Variants in GAB2 observed in about 807,000 individuals in gnomAD.
GAB2 encodes GRB2-associated-binding protein 2.
GAB2 carries 26 observed loss-of-function variants against 65.5 expected under a neutral mutation model. The observed-to-expected ratio is 0.40, with a 90% CI of 0.29 to 0.55. GAB2 has a LOEUF of 0.55. Ranked by LOEUF, GAB2 falls within the 20% of genes least tolerant of loss-of-function variation. GAB2 has a pLI of 0.53. For synonymous variants in GAB2, 321 were observed against 329.6 expected (o/e 0.97, Z 0.28); for missense variants, 884 against 875.8 (o/e 1.01, Z -0.12).
chr11:78,373,165 G>A (rs1856593684), intron 1 of GAB2, among the ~76,000 whole-genome samples: 1 of 151,718 alleles, frequency 6.6e-6, no homozygotes, highest in South Asian at 2.1e-4. Flanking sequence ...CATGTTTATG[G>A]AGCAAACAAC....
At chr11:78,268,061 C>T (rs1280223631) in intron 2 of GAB2, among the ~76,000 whole-genome samples, 1 of 152,038 alleles carries the variant, frequency 6.6e-6, no homozygotes, top group Non-Finnish European at 1.5e-5. Context: ...GTGTGCCAGC[C>T]TTCCCAAGCA....
intron 1 of GAB2, among the ~76,000 whole-genome samples, chr11:78,341,022 G>C (rs1240857921): frequency 6.6e-6 from 1 of 152,126 alleles, no homozygotes; most frequent in Non-Finnish European, 1.5e-5. Context: ...ATTCAAAGAT[G>C]CTCTTTCTTG....
chr11:78,250,877 C>A (rs978463183), intron 2 of GAB2, among the ~76,000 whole-genome samples: 1 of 152,130 alleles, frequency 6.6e-6, no homozygotes, highest in Non-Finnish European at 1.5e-5. Flanking sequence ...CTAATGTTCT[C>A]ACTTATAAGT....
intron 3 of GAB2, 108 bp downstream of exon 3, chr11:78,250,049 A>G (rs536213291): frequency 8.7e-7 from 1 of 1,155,392 alleles, no homozygotes; most frequent in Non-Finnish European, 1.3e-6. Context: ...GTGTTTGTCT[A>G]CCTGAAACGA....
intron 1 of GAB2, among the ~76,000 whole-genome samples, chr11:78,400,845 A>G (rs1462702950): frequency 7.0e-6 from 1 of 142,414 alleles, no homozygotes; most frequent in East Asian, 2.1e-4. Flanking sequence ...CGGAGACTGC[A>G]GCAAGCCAAG....
At chr11:78,228,924 ACT>A (rs540550663) in intron 3 of GAB2, among the ~76,000 whole-genome samples, 105 of 150,972 alleles carry the variant, frequency 7.0e-4, no homozygotes, top group Middle Eastern at 3.4e-3. Flanking sequence ...GGAATTTCCA[ACT>A]CTCTGTTGGA....
intron 1 of GAB2, among the ~76,000 whole-genome samples, chr11:78,338,575 T>C (rs1325892041): frequency 6.6e-6 from 1 of 152,252 alleles, no homozygotes; most frequent in Admixed American, 6.5e-5. Flanking sequence ...ATGCTTACCA[T>C]GTGCGTGGCC....
Position 78,331,803 on chromosome 11 carries a change from C to A in GAB2, c.76-50902G>T, listed in dbSNP as rs1467305652. On this transcript the variant is annotated intron_variant, in intron 1 of 9. Coordinates refer to ENST00000361507, the MANE Select transcript of GAB2 (RefSeq NM_080491.3). ...CCAAGGGGATTGGAAAACAGAGACA[C>A]AGATGGAAAACCAGTGGCTGCCACC... Among the ~76,000 whole-genome samples the A allele has an allele frequency of 3.3e-5, 5 of 152,130 alleles. No homozygotes were observed. In the East Asian group the frequency reaches 9.7e-4, roughly 29 times the overall value.
intron 1 of GAB2, among the ~76,000 whole-genome samples, chr11:78,337,922 G>C (rs114136007): frequency 2.9e-3 from 445 of 152,242 alleles, no homozygotes; most frequent in African/African-American, 0.01. Context: ...CAAAAGACCC[G>C]AGGCCAGGCC....
At chr11:78,370,084 C>T (rs1320208121) in intron 1 of GAB2, among the ~76,000 whole-genome samples, 2 of 151,446 alleles carry the variant, frequency 1.3e-5, no homozygotes, top group East Asian at 1.9e-4. Context: ...GGTGAAACCC[C>T]GTCTCTACTA....
At chr11:78,287,426 T>C (rs1234794257) in intron 1 of GAB2, among the ~76,000 whole-genome samples, 4 of 152,102 alleles carry the variant, frequency 2.6e-5, no homozygotes, top group African/African-American at 9.7e-5. Flanking sequence ...CACAGGTGCA[T>C]GCCACTATGC....
intron 3 of GAB2, among the ~76,000 whole-genome samples, chr11:78,239,953 C>T (rs1230754823): frequency 6.6e-6 from 1 of 152,022 alleles, no homozygotes; most frequent in Non-Finnish European, 1.5e-5. Context: ...TGTGGCTGAG[C>T]CATTGCTAGC....
chr11:78,271,782 C>T (rs7126222), intron 2 of GAB2, among the ~76,000 whole-genome samples: 5,452 of 152,260 alleles, frequency 0.036, 320 homozygotes, highest in African/African-American at 0.12. Context: ...CACTTGAGCC[C>T]AGGAGTTTAA....
rs1865374949 is a variant in GAB2, at chr11:78,249,042, CTTAAGA to C, written c.620+1109_620+1114del. On this transcript the variant is annotated intron_variant, in intron 3 of 9. Coordinates refer to ENST00000361507, the MANE Select transcript of GAB2 (RefSeq NM_080491.3). The stretch of plus-strand genomic sequence containing the variant: ...CATGAAAATGGGTATCTGAGGCAGC[CTTAAGA>C]TTAAGTGTTGGAGCCTCTTCTGTGT... 2.0e-5 allele frequency among the ~76,000 whole-genome samples: 3 copies of C among 152,172 alleles called. No homozygotes were observed. In the South Asian group the frequency reaches 6.2e-4, roughly 32 times the overall value.
At position 78,215,560 on chromosome 11, in the gene GAB2, C is replaced by A. The variant is rs539835653; in HGVS notation, c.*3712G>T. On this transcript the variant is annotated 3_prime_UTR_variant, in exon 10 of 10. Transcript: ENST00000361507. Reference sequence around the variant, plus strand: ...ATGGTAACAAGACAAGAACTCAAGACTGGGCTTCCACTAGCCCATTTTCTC... The same window carrying A: ...ATGGTAACAAGACAAGAACTCAAGAATGGGCTTCCACTAGCCCATTTTCTC... 1 of 152,652 alleles carries A rather than the reference C, an allele frequency of 6.6e-6. No homozygotes were observed. The highest frequency in any genetic ancestry group is 2.4e-5 in the African/African-American group (1 of 41,588). The allele number at this position is 152,652 out of a possible 1,614,324, so 9.5% of individuals were successfully genotyped here. A position where few individuals can be genotyped will look rare whatever the true frequency, so the allele number is the denominator to read the frequency against.
chr11:78,278,068 C>CT (rs538485770), intron 2 of GAB2, among the ~76,000 whole-genome samples: 2,351 of 133,810 alleles, frequency 0.018, 30 homozygotes, highest in African/African-American at 0.044. Flanking sequence ...TCTTCCCCTG[C>CT]TTTTTTTTTT....
At chr11:78,220,485 C>G (rs758854847) in intron 8 of GAB2, 41 bp from the exon 9 acceptor site, 4 of 1,523,660 alleles carry the variant, frequency 2.6e-6, no homozygotes, top group Admixed American at 4.1e-5. Context: ...CTGCAGAAAA[C>G]AGACTAACCC....
Position 78,391,476 on chromosome 11 carries a change from A to G in GAB2, c.75+26170T>C, listed in dbSNP as rs1188793414. ...ACTTCTAAGGCTAGGTCACTAAAAAAGGCCATGACATCTTCATCTTGGCCA... is the reference window on the plus strand; with the variant it reads ...ACTTCTAAGGCTAGGTCACTAAAAAGGGCCATGACATCTTCATCTTGGCCA... On this transcript the variant is annotated intron_variant, in intron 1 of 9. Coordinates refer to ENST00000361507, the MANE Select transcript of GAB2 (RefSeq NM_080491.3). Among the ~76,000 whole-genome samples, 8 of 152,314 alleles carry G rather than the reference A, an allele frequency of 5.3e-5. No individual in the cohort carries two copies. In the South Asian group the frequency reaches 1.7e-3, roughly 32 times the overall value.
intron 1 of GAB2, among the ~76,000 whole-genome samples, chr11:78,370,755 A>C (rs768480815): frequency 4.2e-5 from 5 of 118,874 alleles, no homozygotes; most frequent in Non-Finnish European, 8.9e-5. Context: ...GTAAGGGGTA[A>C]ATGGAGGAGA....
Sources: allele counts gnomAD v4.1 joint callset (sites outside exome capture counted in the v4.1 genomes callset), GRCh38; gene constraint gnomAD v4.1.1; transcripts MANE v1.5; gene names NCBI Gene and HGNC (gene_info 2026-07-23, HGNC 2026-07-21).